FRMD4A: variants seen among roughly 807,000 people sequenced by gnomAD.
The protein encoded by FRMD4A is FERM domain-containing protein 4A.
FRMD4A carries 29 observed loss-of-function variants against 129.1 expected under a neutral mutation model. The ratio of observed to expected loss-of-function variants is 0.22; its 90% CI spans 0.17 to 0.31. The LOEUF is 0.31. FRMD4A is among the 10% of genes least tolerant of loss of function. The pLI is 1.00. For missense variants in FRMD4A, 1,272 were observed against 1,375.8 expected (o/e 0.92, Z 1.19); for synonymous variants, 634 against 571.6 (o/e 1.11, Z -1.56).
intron 2 of FRMD4A, among the ~76,000 whole-genome samples, chr10:14,017,489 A>G (rs939425387): frequency 2.0e-5 from 3 of 152,322 alleles, no homozygotes; most frequent in South Asian, 2.1e-4. Flanking sequence ...TGTTGACTCA[A>G]TTTTTACTAG....
chr10:14,170,322 T>C (rs1010730496), intron 2 of FRMD4A, among the ~76,000 whole-genome samples: 8 of 152,236 alleles, frequency 5.3e-5, no homozygotes, highest in African/African-American at 1.9e-4. Context: ...CCGGACATGA[T>C]TCCTGGGCTA....
At chr10:13,798,886 TG>T (rs1401340885) in intron 4 of FRMD4A, among the ~76,000 whole-genome samples, 1 of 152,196 alleles carries the variant, frequency 6.6e-6, no homozygotes, top group Admixed American at 6.5e-5. Context: ...ACAGGTTCCA[TG>T]ATATTTCAAA....
At chr10:14,198,499 G>A (rs1842537738) in intron 2 of FRMD4A, among the ~76,000 whole-genome samples, 1 of 152,240 alleles carries the variant, frequency 6.6e-6, no homozygotes, top group Non-Finnish European at 1.5e-5. Flanking sequence ...CCCAGGGAAA[G>A]TGAGGGCTTT....
chr10:13,668,147 A>T (rs971172012), intron 17 of FRMD4A: 1 of 152,242 alleles, frequency 6.6e-6, no homozygotes, highest in Non-Finnish European at 1.5e-5. Context: ...GGAAAAGGTG[A>T]AGGTTAAAGA....
intron 2 of FRMD4A, among the ~76,000 whole-genome samples, chr10:14,216,778 T>C (rs573366854): frequency 6.6e-6 from 1 of 152,284 alleles, no homozygotes; most frequent in African/African-American, 2.4e-5. Context: ...TCTAGTTTTC[T>C]GATGTATATT....
At chr10:13,779,921 T>C (rs527819595) in intron 6 of FRMD4A, among the ~76,000 whole-genome samples, 1 of 152,240 alleles carries the variant, frequency 6.6e-6, no homozygotes, top group Non-Finnish European at 1.5e-5. Flanking sequence ...TCTATTACTG[T>C]TAATGAGCAG....
chr10:13,987,993 G>T (rs72774700), intron 2 of FRMD4A, among the ~76,000 whole-genome samples: 1 of 151,926 alleles, frequency 6.6e-6, no homozygotes, highest in East Asian at 1.9e-4. Context: ...TTTAAAAGAG[G>T]GGACTCTCAA....
At chr10:13,909,636 G>T (rs1286794863) in intron 2 of FRMD4A, among the ~76,000 whole-genome samples, 1 of 152,186 alleles carries the variant, frequency 6.6e-6, no homozygotes, top group Non-Finnish European at 1.5e-5. Context: ...CTAAACCATG[G>T]TGTCTCTTGT....
chr10:14,321,456 C>T (rs913281433), intron 2 of FRMD4A, among the ~76,000 whole-genome samples: 3 of 151,942 alleles, frequency 2.0e-5, no homozygotes, highest in Non-Finnish European at 4.4e-5. Flanking sequence ...CAGGCTTAAT[C>T]CTGCATATCA....
intron 12 of FRMD4A, among the ~76,000 whole-genome samples, chr10:13,722,797 A>C (rs984266980): frequency 6.6e-6 from 1 of 152,118 alleles, no homozygotes; most frequent in Non-Finnish European, 1.5e-5. Context: ...GGTTAGATAG[A>C]TCTCCATGCT....
At chr10:14,193,562 G>A (rs1298069675) in intron 2 of FRMD4A, among the ~76,000 whole-genome samples, 1 of 146,602 alleles carries the variant, frequency 6.8e-6, no homozygotes, top group African/African-American at 2.5e-5. Context: ...GACCCCATAT[G>A]GTTTTTGAAG....
At chr10:14,134,996 G>T (rs1455199052) in intron 2 of FRMD4A, among the ~76,000 whole-genome samples, 1 of 152,158 alleles carries the variant, frequency 6.6e-6, no homozygotes, top group Non-Finnish European at 1.5e-5. Context: ...GATGTTGAGG[G>T]ACTAATTTTT....
intron 2 of FRMD4A, among the ~76,000 whole-genome samples, chr10:13,969,675 A>AC (rs2095506142): frequency 6.6e-6 from 1 of 152,018 alleles, no homozygotes; most frequent in Admixed American, 6.6e-5. Context: ...ACGTAGTGAG[A>AC]CCCCCATCTC....
At chr10:13,963,868 T>C (rs1001589982) in intron 2 of FRMD4A, among the ~76,000 whole-genome samples, 2 of 152,158 alleles carry the variant, frequency 1.3e-5, no homozygotes, top group Non-Finnish European at 2.9e-5. Context: ...AGCATTAGGT[T>C]AGGACTGCTT....
chr10:13,789,330 AT>A (rs1564805884), intron 5 of FRMD4A, among the ~76,000 whole-genome samples: 1 of 152,020 alleles, frequency 6.6e-6, no homozygotes, highest in East Asian at 1.9e-4. Flanking sequence ...TGGCTGTAAA[AT>A]CCTTCCTCCC....
rs181239387 is a variant in FRMD4A, at chr10:13,745,005, T to C, written c.548+2731A>G. 1.9e-3 allele frequency among the ~76,000 whole-genome samples: 287 copies of C among 152,332 alleles called. 2 individuals carry two copies. The highest frequency in any genetic ancestry group is 6.8e-3 in the African/African-American group (281 of 41,582). On this transcript the variant is annotated intron_variant, in intron 9 of 24. Coordinates refer to ENST00000357447, the MANE Select transcript of FRMD4A (RefSeq NM_018027.5). Reference sequence around the variant, plus strand: ...TATGTTCTAGCATTTGATAGAACAGTAGGGAAATTATAGTTAACAATAATT... The same window carrying C: ...TATGTTCTAGCATTTGATAGAACAGCAGGGAAATTATAGTTAACAATAATT...
chr10:14,164,009 C>T (rs921746215), intron 2 of FRMD4A, among the ~76,000 whole-genome samples: 2 of 152,188 alleles, frequency 1.3e-5, no homozygotes, highest in Non-Finnish European at 2.9e-5. Flanking sequence ...AGGCCAATGG[C>T]CCGTGTATTT....
At position 14,029,634 on chromosome 10, in the gene FRMD4A, A is replaced by G. The variant is rs551070371; in HGVS notation, c.46-170722T>C. On this transcript the variant is annotated intron_variant, in intron 2 of 24. Coordinates refer to ENST00000357447, the MANE Select transcript of FRMD4A (RefSeq NM_018027.5). ...TTTGGGCAGGTGATCAGACCACCAC[A>G]CAGTGGATCAGAATCAGTCAGTAAG... 9.2e-5 allele frequency among the ~76,000 whole-genome samples: 14 copies of G among 152,286 alleles called. No homozygotes were observed. The East Asian group carries it at 2.7e-3, about 29-fold the overall frequency.
intron 2 of FRMD4A, among the ~76,000 whole-genome samples, chr10:14,266,930 C>T (rs1845001066): frequency 6.6e-6 from 1 of 152,160 alleles, no homozygotes; most frequent in Admixed American, 6.5e-5. Flanking sequence ...CACAATGTTT[C>T]ATGGAAATAA....
Sources: gnomAD v4.1 joint callset for allele counts (sites outside exome capture counted in the v4.1 genomes callset) on GRCh38, gnomAD v4.1.1 for gene constraint, MANE v1.5 for transcripts, NCBI Gene and HGNC (gene_info 2026-07-23, HGNC 2026-07-21) for gene names.